Variants in SCML4 observed in about 807,000 individuals in gnomAD.
The protein encoded by SCML4 is sex comb on midleg-like protein 4.
In SCML4, 34 loss-of-function variants were observed where a neutral mutation model predicts 41.1. The ratio of observed to expected loss-of-function variants is 0.83; its 90% CI spans 0.63 to 1.10. SCML4 has a LOEUF of 1.10. Among genes scored for constraint, SCML4 ranks in the 50% least tolerant of loss-of-function variants. The probability of loss-of-function intolerance (pLI) is 0.00; values close to 1 mark genes in which losing one functional copy is unlikely to be tolerated. For missense variants in SCML4, 522 were observed against 534.1 expected (o/e 0.98, Z 0.22); for synonymous variants, 214 against 220.9 (o/e 0.97, Z 0.28).
intron 2 of SCML4, among the ~76,000 whole-genome samples, chr6:107,763,349 C>T (rs908581037): frequency 7.3e-5 from 11 of 150,980 alleles, no homozygotes; most frequent in African/African-American, 1.5e-4. Flanking sequence ...GAGGTCATGA[C>T]GGTATGCCCC....
Position 107,708,168 on chromosome 6 carries a change from T to A in SCML4, c.974-157A>T, listed in dbSNP as rs192658879. On this transcript the variant is annotated intron_variant, in intron 6 of 7. Coordinates refer to ENST00000369020, the MANE Select transcript of SCML4 (RefSeq NM_198081.5). ...GACCTCCTGTCATAGGGAAAGGCTGTGAGTGGCAGCTCTATCAGCAGCCCA... is the reference window on the plus strand; with the variant it reads ...GACCTCCTGTCATAGGGAAAGGCTGAGAGTGGCAGCTCTATCAGCAGCCCA... Among the ~76,000 whole-genome samples, 111 of 152,310 alleles carry A rather than the reference T, an allele frequency of 7.3e-4. 2 individuals carry two copies. Among genetic ancestry groups the A allele is most frequent in the African/African-American group, 2.6e-3 (110 of 41,562 alleles).
At chr6:107,730,261 C>T (rs537340223) in intron 5 of SCML4, among the ~76,000 whole-genome samples, 34 of 152,312 alleles carry the variant, frequency 2.2e-4, no homozygotes, top group African/African-American at 7.0e-4. Context: ...TGGGGCCAGC[C>T]GACCTGTTGG....
chr6:107,805,693 C>G (rs1783670469), intron 1 of SCML4, among the ~76,000 whole-genome samples: 1 of 152,186 alleles, frequency 6.6e-6, no homozygotes, highest in East Asian at 1.9e-4. Flanking sequence ...TATAAATTTT[C>G]CAACTTAGCT....
At chr6:107,719,789 C>T (rs1214191175) in intron 6 of SCML4, 25 of 591,822 alleles carry the variant, frequency 4.2e-5, no homozygotes, top group Non-Finnish European at 5.1e-5. Context: ...TTAAGACTTG[C>T]AAAAGGTAGG....
intron 5 of SCML4, 88 bp from the exon 6 acceptor site, chr6:107,721,081 C>T (rs1189429623): frequency 4.1e-6 from 6 of 1,463,628 alleles, no homozygotes; most frequent in Non-Finnish European, 5.5e-6. Flanking sequence ...CCCTGCCCTG[C>T]CAACACAGTA....
the SCML4 span, among the ~76,000 whole-genome samples, chr6:107,841,315 G>A: frequency 6.6e-6 from 1 of 152,304 alleles, no homozygotes; most frequent in Middle Eastern, 3.4e-3. Context: ...ATAAAGTGGA[G>A]TTGTAGTCAT....
At chr6:107,781,926 G>T (rs1274330691) in intron 1 of SCML4, among the ~76,000 whole-genome samples, 1 of 152,104 alleles carries the variant, frequency 6.6e-6, no homozygotes, top group African/African-American at 2.4e-5. Context: ...ATGGGCCCTC[G>T]CTGTGAGGGA....
At chr6:107,816,198 A>G (rs1215998463) in intron 1 of SCML4, among the ~76,000 whole-genome samples, 1 of 152,222 alleles carries the variant, frequency 6.6e-6, no homozygotes, top group Non-Finnish European at 1.5e-5. Flanking sequence ...CCCCTCCTGT[A>G]TTGACTTCCT....
At chr6:107,731,494 C>A (rs1226037791) in intron 5 of SCML4, among the ~76,000 whole-genome samples, 2 of 152,246 alleles carry the variant, frequency 1.3e-5, no homozygotes, top group South Asian at 2.1e-4. Context: ...TCTCACCCCC[C>A]ACTTCCCGCA....
intron 6 of SCML4, among the ~76,000 whole-genome samples, chr6:107,713,753 T>G (rs1166214862): frequency 6.6e-6 from 1 of 152,128 alleles, no homozygotes; most frequent in Non-Finnish European, 1.5e-5. Flanking sequence ...CACCTGGAAC[T>G]GGGTTGGGAG....
chr6:107,731,226 GT>G (rs1776510740), intron 5 of SCML4, among the ~76,000 whole-genome samples: 3 of 152,328 alleles, frequency 2.0e-5, no homozygotes, highest in South Asian at 4.1e-4. Flanking sequence ...TCCTGACCAA[GT>G]GTCAGCTCTC....
chr6:107,815,041 G>T (rs938987785), intron 1 of SCML4, among the ~76,000 whole-genome samples: 4 of 152,140 alleles, frequency 2.6e-5, no homozygotes, highest in Non-Finnish European at 5.9e-5. Flanking sequence ...TCTTTGAGAG[G>T]GCTCTGCATA....
intron 3 of SCML4, among the ~76,000 whole-genome samples, chr6:107,748,923 C>A (rs1017425117): frequency 2.0e-5 from 3 of 152,102 alleles, no homozygotes; most frequent in Non-Finnish European, 4.4e-5. Flanking sequence ...TGGAGGGAGA[C>A]AATATGCTAA....
intron 1 of SCML4, among the ~76,000 whole-genome samples, chr6:107,778,008 A>G (rs1221447341): frequency 6.6e-6 from 1 of 151,548 alleles, no homozygotes; most frequent in African/African-American, 2.4e-5. Flanking sequence ...TGAGGTCAGG[A>G]GTTCGAGACC....
intron 1 of SCML4, among the ~76,000 whole-genome samples, chr6:107,818,203 C>G (rs1784692770): frequency 6.6e-6 from 1 of 152,118 alleles, no homozygotes; most frequent in African/African-American, 2.4e-5. Context: ...TGCTCGGGCA[C>G]CTTTGGCATC....
chr6:107,765,347 C>T (rs1253988767), intron 2 of SCML4, among the ~76,000 whole-genome samples: 1 of 152,160 alleles, frequency 6.6e-6, no homozygotes, highest in East Asian at 1.9e-4. Flanking sequence ...CTGGAGCCGG[C>T]TTGTACTAGT....
intron 5 of SCML4, among the ~76,000 whole-genome samples, chr6:107,726,207 C>G (rs1775950877): frequency 1.3e-5 from 2 of 151,648 alleles, no homozygotes; most frequent in African/African-American, 4.9e-5. Context: ...CTTATACAAC[C>G]AACCTGTGTA....
chr6:107,725,906 G>A (rs754965698), intron 5 of SCML4, among the ~76,000 whole-genome samples: 14 of 151,666 alleles, frequency 9.2e-5, no homozygotes, highest in Middle Eastern at 3.4e-3. Context: ...GTGAAACCCC[G>A]TCTCTACTAA....
At chr6:107,830,582 G>A in the SCML4 span, among the ~76,000 whole-genome samples, 1 of 152,160 alleles carries the variant, frequency 6.6e-6, no homozygotes, top group East Asian at 1.9e-4. Context: ...CAGAGCCTAG[G>A]CCGTAGTAGG....
Sources: gnomAD v4.1 joint callset for allele counts (sites outside exome capture counted in the v4.1 genomes callset) on GRCh38, gnomAD v4.1.1 for gene constraint, MANE v1.5 for transcripts, NCBI Gene and HGNC (gene_info 2026-07-23, HGNC 2026-07-21) for gene names.